FRMD4B: variants seen among roughly 807,000 people sequenced by gnomAD.
FRMD4B encodes the protein FERM domain-containing protein 4B.
Under a neutral mutation model 141.5 loss-of-function variants are expected in FRMD4B, and 74 were observed. The ratio of observed to expected loss-of-function variants is 0.52; its 90% CI spans 0.43 to 0.63. The LOEUF is 0.63. Among genes scored for constraint, FRMD4B ranks in the 30% least tolerant of loss-of-function variants. FRMD4B has a pLI of 0.00. For synonymous variants in FRMD4B, 506 were observed against 467.9 expected (o/e 1.08, Z -1.05); for missense variants, 1,366 against 1,253.4 (o/e 1.09, Z -1.36).
rs748078460 is a variant in FRMD4B, at chr3:69,182,668, G to C, written c.1969C>G (p.Pro657Ala). 479 of 1,613,370 alleles carry C rather than the reference G, an allele frequency of 3.0e-4. No homozygotes were observed. The highest frequency in any genetic ancestry group is 3.7e-4 in the Non-Finnish European group (433 of 1,179,514). ...SSPYKTLERR[P>A]QGGRSMPTTP... ...GTGGGCATGCTTCGTCCTCCCTGGG[G>C]CCGCCTCTCCAGAGTTTTGTAAGGG... The change falls in exon 20 of 23, where the codon CCC (proline) becomes GCC (alanine). Residue 657 changes from proline (P) to alanine (A), a missense_variant. Physicochemically the swap from Pro to Ala is conservative, Grantham distance 27. Coordinates refer to ENST00000398540, the MANE Select transcript of FRMD4B (RefSeq NM_015123.3).
chr3:69,321,778 A>T (rs1014322882), intron 1 of FRMD4B, among the ~76,000 whole-genome samples: 2 of 152,182 alleles, frequency 1.3e-5, no homozygotes, highest in South Asian at 2.1e-4. Context: ...ACAGTGGCAC[A>T]ACCATGACTC....
At chr3:69,481,916 C>T (rs1424734455) in intron 1 of FRMD4B, among the ~76,000 whole-genome samples, 1 of 152,156 alleles carries the variant, frequency 6.6e-6, no homozygotes, top group African/African-American at 2.4e-5. Context: ...GAGCCATTCT[C>T]AAAAGAAGGA....
chr3:69,248,007 G>C (rs2093436045), intron 7 of FRMD4B, among the ~76,000 whole-genome samples: 1 of 148,490 alleles, frequency 6.7e-6, no homozygotes, highest in African/African-American at 2.5e-5. Flanking sequence ...GGCCACGCTG[G>C]TCTGGAACTC....
chr3:69,365,645 C>T (rs922699023), intron 1 of FRMD4B, among the ~76,000 whole-genome samples: 6 of 152,052 alleles, frequency 3.9e-5, no homozygotes, highest in South Asian at 2.1e-4. Flanking sequence ...GGATTACATG[C>T]GCACTTCACC....
At chr3:69,232,795 T>C (rs1460068768) in intron 7 of FRMD4B, among the ~76,000 whole-genome samples, 3 of 151,640 alleles carry the variant, frequency 2.0e-5, no homozygotes, top group Non-Finnish European at 4.4e-5. Context: ...TAGTACTTCC[T>C]AGAGAAAACT....
intron 1 of FRMD4B, among the ~76,000 whole-genome samples, chr3:69,464,047 C>T (rs9843168): frequency 0.29 from 44,705 of 152,056 alleles, 7,125 homozygotes; most frequent in African/African-American, 0.4. Context: ...AAGTACAGTA[C>T]ACCCTTTACT....
chr3:69,276,164 A>G (rs2093616989), intron 5 of FRMD4B, among the ~76,000 whole-genome samples: 1 of 152,220 alleles, frequency 6.6e-6, no homozygotes, highest in African/African-American at 2.4e-5. Context: ...GTTTCCTACT[A>G]TTGGAAATAA....
At chr3:69,288,137 G>A (rs1482886810) in intron 4 of FRMD4B, among the ~76,000 whole-genome samples, 1 of 152,222 alleles carries the variant, frequency 6.6e-6, no homozygotes, top group Non-Finnish European at 1.5e-5. Flanking sequence ...CTTATTCTTT[G>A]AAACATGTTC....
intron 1 of FRMD4B, among the ~76,000 whole-genome samples, chr3:69,360,843 A>G (rs1204325023): frequency 6.6e-6 from 1 of 152,196 alleles, no homozygotes; most frequent in African/African-American, 2.4e-5. Context: ...TGACATTAGC[A>G]GCTGCTAATG....
intron 1 of FRMD4B, among the ~76,000 whole-genome samples, chr3:69,504,407 C>T (rs1428835106): frequency 6.6e-6 from 1 of 152,124 alleles, no homozygotes; most frequent in East Asian, 1.9e-4. Context: ...CAACCATCAC[C>T]ACAATCTAAG....
rs61444871 is a variant in FRMD4B at position 69,212,381 on chromosome 3, G to GAA, written c.876+3880_876+3881dup. 8.2e-3 allele frequency among the ~76,000 whole-genome samples: 786 copies of GAA among 95,588 alleles called. 10 individuals are homozygous for GAA. The highest frequency in any genetic ancestry group is 0.029 in the African/African-American group (707 of 24,804). The allele number at this position is 95,588 out of a possible 152,430, so 62.7% of individuals were successfully genotyped here. A position where few individuals can be genotyped will look rare whatever the true frequency, so the allele number is the denominator to read the frequency against. ...TCTCAAAAAAAAAAAAAAAAAAAAA[G>GAA]AAAAAAAAAAAGAAAAAAAAGAAAA... On this transcript the variant is annotated intron_variant, in intron 11 of 22. Coordinates refer to ENST00000398540, the MANE Select transcript of FRMD4B (RefSeq NM_015123.3).
intron 7 of FRMD4B, among the ~76,000 whole-genome samples, chr3:69,248,226 A>T (rs989014560): frequency 1.3e-5 from 2 of 150,882 alleles, no homozygotes; most frequent in African/African-American, 4.9e-5. Flanking sequence ...CAAATTTCTT[A>T]ACCTAGAAAA....
intron 1 of FRMD4B, among the ~76,000 whole-genome samples, chr3:69,440,063 A>C (rs1232080262): frequency 6.6e-6 from 1 of 152,200 alleles, no homozygotes; most frequent in Non-Finnish European, 1.5e-5. Context: ...CATGTTATGC[A>C]GAAGTTATAC....
intron 1 of FRMD4B, among the ~76,000 whole-genome samples, chr3:69,512,048 T>C (rs753868833): frequency 3.7e-4 from 57 of 152,312 alleles, no homozygotes; most frequent in Middle Eastern, 3.4e-3. Context: ...AAAGATCCTC[T>C]GTCACAGGAC....
At chr3:69,217,744 GAA>G (rs771469576) in intron 10 of FRMD4B, among the ~76,000 whole-genome samples, 5 of 152,104 alleles carry the variant, frequency 3.3e-5, no homozygotes, top group Non-Finnish European at 5.9e-5. Flanking sequence ...ATCATAACAT[GAA>G]AAGTCAATCA....
At chr3:69,307,997 C>T (rs1225132491) in intron 3 of FRMD4B, among the ~76,000 whole-genome samples, 4 of 152,156 alleles carry the variant, frequency 2.6e-5, no homozygotes, top group African/African-American at 9.7e-5. Context: ...ATAACTCTTG[C>T]CTAGGATGTC....
intron 1 of FRMD4B, among the ~76,000 whole-genome samples, chr3:69,317,076 G>A (rs1303643719): frequency 4.6e-5 from 6 of 130,248 alleles, no homozygotes; most frequent in African/African-American, 1.7e-4. Flanking sequence ...GCGAAACTCC[G>A]CCTCAAAAAA....
intron 22 of FRMD4B, among the ~76,000 whole-genome samples, chr3:69,175,842 G>A (rs1009859635): frequency 3.6e-5 from 5 of 138,200 alleles, no homozygotes; most frequent in Admixed American, 1.7e-4. Flanking sequence ...GTGCAGTGGC[G>A]CGATCTGGGC....
chr3:69,483,916 G>A (rs1189726567), intron 1 of FRMD4B, among the ~76,000 whole-genome samples: 5 of 151,928 alleles, frequency 3.3e-5, no homozygotes, highest in African/African-American at 1.2e-4. Context: ...TGCTCAGTGA[G>A]GTTTTTGTCG....
Sources: allele counts gnomAD v4.1 joint callset (sites outside exome capture counted in the v4.1 genomes callset), GRCh38; gene constraint gnomAD v4.1.1; transcripts MANE v1.5; gene names NCBI Gene and HGNC (gene_info 2026-07-23, HGNC 2026-07-21).